The following CCDC150 variants were observed in gnomAD, a reference collection of about 807,000 sequenced individuals.
CCDC150 encodes coiled-coil domain-containing protein 150.
In CCDC150, 151 loss-of-function variants were observed where a neutral mutation model predicts 156.5. That is an observed-to-expected ratio of 0.97 (90% confidence interval 0.85 to 1.10). The LOEUF (loss-of-function observed/expected upper bound fraction) is 1.10. Ranked by LOEUF, CCDC150 falls within the 50% of genes least tolerant of loss-of-function variation. The pLI is 0.00. For missense variants in CCDC150, 1,312 were observed against 1,268.1 expected (o/e 1.03, Z -0.53); for synonymous variants, 452 against 429.4 (o/e 1.05, Z -0.65).
At chr2:196,711,919 G>A (rs1366837384) in intron 15 of CCDC150, among the ~76,000 whole-genome samples, 1 of 151,706 alleles carries the variant, frequency 6.6e-6, no homozygotes, top group Non-Finnish European at 1.5e-5. Context: ...AACCAAATGA[G>A]TTATCTCAGT....
chr2:196,645,568 T>C (rs1368327028), intron 1 of CCDC150, among the ~76,000 whole-genome samples: 1 of 152,238 alleles, frequency 6.6e-6, no homozygotes, highest in Non-Finnish European at 1.5e-5. Context: ...AATTACCTTG[T>C]CATTGAACGT....
At chr2:196,726,194 CT>C in intron 22 of CCDC150, 95 bp downstream of exon 22, 1 of 1,378,770 alleles carries the variant, frequency 7.3e-7, no homozygotes, top group African/African-American at 1.4e-5. Flanking sequence ...TCTTTGACTC[CT>C]CTCATCCCCC....
chr2:196,681,925 A>T (rs1694850008), intron 13 of CCDC150, among the ~76,000 whole-genome samples: 1 of 152,054 alleles, frequency 6.6e-6, no homozygotes. Flanking sequence ...TTTTACATTG[A>T]TAATGTCCTT....
chr2:196,688,318 C>T (rs1456462830), intron 13 of CCDC150, among the ~76,000 whole-genome samples: 1 of 152,142 alleles, frequency 6.6e-6, no homozygotes, highest in Non-Finnish European at 1.5e-5. Context: ...CTTTCACCTA[C>T]CTAGTAGCTG....
At chr2:196,665,383 C>T (rs1442309147) in intron 5 of CCDC150, among the ~76,000 whole-genome samples, 184 bp from the exon 6 acceptor site, 2 of 152,194 alleles carry the variant, frequency 1.3e-5, no homozygotes, top group Non-Finnish European at 2.9e-5. Context: ...GTTTGATCTA[C>T]ATTCCTTAGG....
intron 15 of CCDC150, among the ~76,000 whole-genome samples, chr2:196,710,862 G>A (rs768648680): frequency 2.7e-5 from 4 of 150,332 alleles, no homozygotes; most frequent in South Asian, 2.1e-4. Context: ...CAATTTTAAC[G>A]GTAGTTTTTT....
At chr2:196,674,839 A>G (rs1387715976) in intron 10 of CCDC150, among the ~76,000 whole-genome samples, 1 of 152,186 alleles carries the variant, frequency 6.6e-6, no homozygotes, top group Non-Finnish European at 1.5e-5. Flanking sequence ...ACAGACCACC[A>G]TAGTAATAGA....
In CCDC150 at chr2:196,646,337, T is replaced by C. The variant is rs1221645399; in HGVS notation, c.13-4T>C. The stretch of plus-strand genomic sequence containing the variant: ...CCACACTAAGATTGTGACTGTATTC[T>C]TAGGTACATATGGAAACTACAGTGT... On this transcript the variant is annotated splice_region_variant and splice_polypyrimidine_tract_variant and intron_variant, in intron 1 of 27. Coordinates refer to ENST00000389175, the MANE Select transcript of CCDC150 (RefSeq NM_001080539.2). 6.2e-7 allele frequency: 1 copy of C among 1,613,284 alleles called. No individual in the cohort carries two copies. Among genetic ancestry groups the C allele is most frequent in the South Asian group, 1.1e-5 (1 of 91,026 alleles).
chr2:196,669,044 T>G (rs1170494155), intron 7 of CCDC150, among the ~76,000 whole-genome samples: 1 of 152,218 alleles, frequency 6.6e-6, no homozygotes. Flanking sequence ...AGTTTACACT[T>G]TTTGGCTACT....
intron 1 of CCDC150, among the ~76,000 whole-genome samples, chr2:196,641,613 T>C (rs1692235448): frequency 6.6e-6 from 1 of 152,222 alleles, no homozygotes. Context: ...GTGTCTGTCT[T>C]CTTCAGCTGG....
intron 13 of CCDC150, among the ~76,000 whole-genome samples, chr2:196,678,415 C>T (rs776731035): frequency 6.6e-6 from 1 of 152,146 alleles, no homozygotes; most frequent in African/African-American, 2.4e-5. Flanking sequence ...AGCTCAAATG[C>T]AGTTACCACC....
chr2:196,726,240 C>CT (rs1698201665), intron 22 of CCDC150, 141 bp downstream of exon 22: 1 of 892,022 alleles, frequency 1.1e-6, no homozygotes, highest in Non-Finnish European at 1.6e-6. Flanking sequence ...TAAGACCTCT[C>CT]TGTAAAGCAA....
intron 2 of CCDC150, among the ~76,000 whole-genome samples, chr2:196,646,843 A>G (rs542941533): frequency 2.5e-4 from 38 of 152,304 alleles, no homozygotes; most frequent in African/African-American, 7.7e-4. Context: ...TATTAAGGTT[A>G]AAAGCTAAAA....
At position 196,658,749 on chromosome 2, in the gene CCDC150, G is replaced by A. The variant is rs377252880; in HGVS notation, c.577-43G>A. 1.3e-4 allele frequency: 191 copies of A among 1,449,752 alleles called. 1 individual carries two copies. The highest frequency in any genetic ancestry group is 7.7e-5 in the Admixed American group (4 of 51,938). 89.8% of individuals were successfully genotyped at this position (1,449,752 alleles called of 1,614,324 possible). Reference sequence around the variant, plus strand: ...ATATACCTATAGACAATTTCTTCCTGTCATTTCAGATTATTTAGAATCTTT... The same window carrying A: ...ATATACCTATAGACAATTTCTTCCTATCATTTCAGATTATTTAGAATCTTT... On this transcript the variant is annotated intron_variant, in intron 4 of 27. Transcript: ENST00000389175.
At chr2:196,717,613 G>A (rs1374081086) in intron 17 of CCDC150, among the ~76,000 whole-genome samples, 2 of 152,098 alleles carry the variant, frequency 1.3e-5, no homozygotes, top group Admixed American at 6.6e-5. Flanking sequence ...ATAAAGGGGC[G>A]GGGCGTGGTT....
intron 19 of CCDC150, 190 bp downstream of exon 19, chr2:196,719,856 A>T (rs186426368): frequency 1.3e-4 from 55 of 432,410 alleles, no homozygotes; most frequent in African/African-American, 8.6e-4. Flanking sequence ...CAAAAATTCA[A>T]AATGCCCCTA....
chr2:196,641,295 T>C (rs1692219031), intron 1 of CCDC150, among the ~76,000 whole-genome samples: 1 of 152,086 alleles, frequency 6.6e-6, no homozygotes, highest in South Asian at 2.1e-4. Context: ...GTTTTATTAT[T>C]ACCGTCTGAC....
intron 2 of CCDC150, among the ~76,000 whole-genome samples, chr2:196,650,293 T>G (rs1271091761): frequency 6.6e-6 from 1 of 152,362 alleles, no homozygotes; most frequent in East Asian, 1.9e-4. Context: ...TGGATCACAT[T>G]TATTGATTTG....
chr2:196,702,657 A>G (rs181758342), intron 15 of CCDC150, among the ~76,000 whole-genome samples: 2 of 151,884 alleles, frequency 1.3e-5, no homozygotes, highest in Admixed American at 1.3e-4. Context: ...AAGAGACTTC[A>G]GTACTTTTTA....
Sources: gnomAD v4.1 joint callset for allele counts (sites outside exome capture counted in the v4.1 genomes callset) on GRCh38, gnomAD v4.1.1 for gene constraint, MANE v1.5 for transcripts, NCBI Gene and HGNC (gene_info 2026-07-23, HGNC 2026-07-21) for gene names.